The following FGF14 variants were observed in gnomAD, a reference collection of about 807,000 sequenced individuals.
FGF14 encodes fibroblast growth factor 14.
In FGF14, 5 loss-of-function variants were observed where a neutral mutation model predicts 25.5. That is an observed-to-expected ratio of 0.20 (90% CI 0.10 to 0.41). The LOEUF (loss-of-function observed/expected upper bound fraction) is 0.41. Ranked by LOEUF, FGF14 falls within the 10% of genes least tolerant of loss-of-function variation. The probability of loss-of-function intolerance (pLI) is 1.00; values close to 1 mark genes in which losing one functional copy is unlikely to be tolerated. For synonymous variants in FGF14, 138 were observed against 118.3 expected, an observed-to-expected ratio of 1.17 and a Z score of -1.08; for missense variants, 222 against 320.1, an observed-to-expected ratio of 0.69 and a Z score of 2.34.
chr13:102,037,196 T>A (rs1051522563), intron 1 of FGF14, among the ~76,000 whole-genome samples: 1 of 152,172 alleles, frequency 6.6e-6, no homozygotes, highest in African/African-American at 2.4e-5. Context: ...ATTAATTTTC[T>A]GTTGCTGCTG....
intron 1 of FGF14, among the ~76,000 whole-genome samples, chr13:102,029,280 A>C (rs1450765354): frequency 6.6e-6 from 1 of 152,092 alleles, no homozygotes; most frequent in East Asian, 1.9e-4. Flanking sequence ...ATGTAGAATC[A>C]GATATTTTCC....
intron 1 of FGF14, among the ~76,000 whole-genome samples, chr13:102,230,994 G>A (rs2051061231): frequency 6.6e-6 from 1 of 152,164 alleles, no homozygotes; most frequent in Non-Finnish European, 1.5e-5. Context: ...AGTAAGTGGA[G>A]AAGATGGAAT....
At chr13:102,310,992 T>C (rs9518700) in intron 1 of FGF14, among the ~76,000 whole-genome samples, 151,137 of 152,144 alleles carry the variant, frequency 0.99, 75,072 homozygotes, top group Middle Eastern at 1. Flanking sequence ...GTTAATATGA[T>C]CAGCTGTGTC....
intron 1 of FGF14, among the ~76,000 whole-genome samples, chr13:101,915,338 T>C (rs911308454): frequency 1.3e-4 from 20 of 152,188 alleles, no homozygotes; most frequent in African/African-American, 4.8e-4. Flanking sequence ...CTATCCCCCG[T>C]CTTTGGAACA....
intron 1 of FGF14, among the ~76,000 whole-genome samples, chr13:102,161,570 A>AAGAAGAAAAGAAG: frequency 0.1 from 577 of 5,654 alleles, 153 homozygotes; most frequent in African/African-American, 0.15. Context: ...TTCTGTGAAG[A>AAGAAGAAAAGAAG]AAGAAAGAAG....
At chr13:102,194,353 G>C (rs2049255095) in intron 1 of FGF14, among the ~76,000 whole-genome samples, 1 of 151,958 alleles carries the variant, frequency 6.6e-6, no homozygotes, top group Admixed American at 6.6e-5. Context: ...TGCCATGGTG[G>C]TCTGCTGCAC....
chr13:102,230,672 C>A (rs1470487597), intron 1 of FGF14, among the ~76,000 whole-genome samples: 1 of 152,066 alleles, frequency 6.6e-6, no homozygotes, highest in Non-Finnish European at 1.5e-5. Context: ...TATTAGTGTG[C>A]TAGTCATTCT....
chr13:102,023,702 C>A (rs1053333298), intron 1 of FGF14, among the ~76,000 whole-genome samples: 4 of 152,014 alleles, frequency 2.6e-5, no homozygotes, highest in African/African-American at 9.7e-5. Flanking sequence ...CAAGATGCAG[C>A]CTTTTGTCTG....
chr13:101,960,011 A>G (rs188701382), intron 1 of FGF14, among the ~76,000 whole-genome samples: 1 of 152,358 alleles, frequency 6.6e-6, no homozygotes, highest in Non-Finnish European at 1.5e-5. Flanking sequence ...CTTTTCATCT[A>G]TGTTATAGTA....
chr13:101,929,813 T>G (rs1484076655), intron 1 of FGF14, among the ~76,000 whole-genome samples: 1 of 152,248 alleles, frequency 6.6e-6, no homozygotes, highest in Admixed American at 6.5e-5. Flanking sequence ...CAGTAGGTGG[T>G]GGGTTGTAGC....
At chr13:102,279,912 T>C (rs1594700783) in intron 1 of FGF14, among the ~76,000 whole-genome samples, 3 of 152,326 alleles carry the variant, frequency 2.0e-5, no homozygotes, top group Middle Eastern at 6.8e-3. Flanking sequence ...TTCTCCCTAA[T>C]ATTATACAGA....
chr13:101,969,040 T>C (rs969927529), intron 1 of FGF14, among the ~76,000 whole-genome samples: 2 of 151,994 alleles, frequency 1.3e-5, no homozygotes, highest in Non-Finnish European at 2.9e-5. Context: ...AACTCACTAG[T>C]TGAAAGAAAC....
chr13:101,894,014 C>T (rs930025698), intron 1 of FGF14, among the ~76,000 whole-genome samples: 1 of 131,218 alleles, frequency 7.6e-6, no homozygotes, highest in Admixed American at 7.9e-5. Flanking sequence ...TCAACCCAAC[C>T]TTTCCTGGCT....
At chr13:102,036,117 T>A (rs190580339) in intron 1 of FGF14, among the ~76,000 whole-genome samples, 6 of 152,182 alleles carry the variant, frequency 3.9e-5, no homozygotes, top group Admixed American at 1.3e-4. Flanking sequence ...ACACAGGAAA[T>A]GTGTTTTCAC....
chr13:102,368,868 T>G (rs1935686213), intron 1 of FGF14, among the ~76,000 whole-genome samples: 1 of 152,200 alleles, frequency 6.6e-6, no homozygotes, highest in African/African-American at 2.4e-5. Flanking sequence ...TCTCTAAATT[T>G]AATAGCATAT....
chr13:102,372,514 G>A (rs1247582905), intron 1 of FGF14, among the ~76,000 whole-genome samples: 1 of 152,092 alleles, frequency 6.6e-6, no homozygotes, highest in Non-Finnish European at 1.5e-5. Context: ...AGCTTTCCTG[G>A]TTCCCCAGAG....
intron 1 of FGF14, among the ~76,000 whole-genome samples, chr13:102,076,356 T>A (rs1334517923): frequency 6.6e-6 from 1 of 152,220 alleles, no homozygotes; most frequent in Admixed American, 6.5e-5. Flanking sequence ...CCCACAGTAT[T>A]CAGTACAGGC....
At chr13:101,987,357 T>G (rs1001880470) in intron 1 of FGF14, among the ~76,000 whole-genome samples, 3 of 152,064 alleles carry the variant, frequency 2.0e-5, no homozygotes, top group Non-Finnish European at 4.4e-5. Flanking sequence ...AGCCTGCCTT[T>G]TTCCAGAACT....
intron 1 of FGF14, among the ~76,000 whole-genome samples, chr13:101,945,867 T>C (rs771534178): frequency 1.8e-4 from 27 of 152,234 alleles, no homozygotes; most frequent in Non-Finnish European, 3.4e-4. Context: ...CATGGTGGCA[T>C]GGGCAAGATG....
Sources: gnomAD v4.1 joint callset for allele counts (sites outside exome capture counted in the v4.1 genomes callset) on GRCh38, gnomAD v4.1.1 for gene constraint, MANE v1.5 for transcripts, NCBI Gene and HGNC (gene_info 2026-07-23, HGNC 2026-07-21) for gene names.